Variants in FBXO15 observed in about 807,000 individuals in gnomAD.
FBXO15 encodes F-box only protein 15.
FBXO15 carries 30 observed loss-of-function variants against 49.5 expected under a neutral mutation model. That is an observed-to-expected ratio of 0.61 (90% CI 0.45 to 0.82). The LOEUF (loss-of-function observed/expected upper bound fraction) is 0.82, where lower values mean the gene tolerates loss of function less well. Ranked by LOEUF, FBXO15 falls within the 40% of genes least tolerant of loss-of-function variation. The pLI, the probability that FBXO15 is intolerant of heterozygous loss-of-function variation, is 0.00. For missense variants in FBXO15, 591 were observed against 631.5 expected (o/e 0.94, Z 0.69); for synonymous variants, 250 against 232.7 (o/e 1.07, Z -0.68).
chr18:74,111,641 G>A (rs1053595012), intron 8 of FBXO15, among the ~76,000 whole-genome samples: 21 of 151,478 alleles, frequency 1.4e-4, no homozygotes, highest in African/African-American at 5.1e-4. Flanking sequence ...AAAAATGTGA[G>A]CAAATTAAAT....
At chr18:74,109,018 T>C (rs1238801861) in intron 8 of FBXO15, among the ~76,000 whole-genome samples, 2 of 152,108 alleles carry the variant, frequency 1.3e-5, no homozygotes, top group African/African-American at 2.4e-5. Context: ...AAAACAAATA[T>C]TGAAGGAATT....
chr18:74,143,391 C>T (rs1415533895), intron 1 of FBXO15, among the ~76,000 whole-genome samples: 1 of 152,162 alleles, frequency 6.6e-6, no homozygotes, highest in Non-Finnish European at 1.5e-5. Context: ...ATGATTCATG[C>T]TGGCTATGTT....
At chr18:74,093,090 C>T (rs1243052785) in intron 8 of FBXO15, among the ~76,000 whole-genome samples, 1 of 152,144 alleles carries the variant, frequency 6.6e-6, no homozygotes, top group Non-Finnish European at 1.5e-5. Context: ...TGGGGGCAGG[C>T]CTGCTGTTGT....
chr18:74,134,949 T>A (rs1403610123), intron 3 of FBXO15, among the ~76,000 whole-genome samples: 1 of 152,168 alleles, frequency 6.6e-6, no homozygotes, highest in African/African-American at 2.4e-5. Flanking sequence ...CCAGCTGACA[T>A]GCAGGTTCTA....
At chr18:74,107,878 G>C (rs1168702343) in intron 8 of FBXO15, among the ~76,000 whole-genome samples, 1 of 152,090 alleles carries the variant, frequency 6.6e-6, no homozygotes, top group Non-Finnish European at 1.5e-5. Flanking sequence ...AACCTACTAG[G>C]GGAATTATCA....
intron 8 of FBXO15, among the ~76,000 whole-genome samples, chr18:74,089,878 CT>C (rs1008743573): frequency 6.6e-6 from 1 of 152,006 alleles, no homozygotes; most frequent in Non-Finnish European, 1.5e-5. Context: ...CTGAAGTTTT[CT>C]TTTTAATTGT....
chr18:74,082,174 G>C, intron 8 of FBXO15, 123 bp from the exon 9 acceptor site: 2 of 847,480 alleles, frequency 2.4e-6, no homozygotes, highest in Non-Finnish European at 3.5e-6. Flanking sequence ...AGCGATGAGG[G>C]CAACATGGGC....
intron 8 of FBXO15, among the ~76,000 whole-genome samples, chr18:74,096,037 C>T (rs1913257733): frequency 6.6e-6 from 1 of 152,110 alleles, no homozygotes; most frequent in Non-Finnish European, 1.5e-5. Flanking sequence ...CCAAGGGCGT[C>T]GAAAATTTTC....
At chr18:74,073,877 C>T in intron 9 of FBXO15, 147 bp from the exon 10 acceptor site, 1 of 978,884 alleles carries the variant, frequency 1.0e-6, no homozygotes, top group Non-Finnish European at 1.5e-6. Context: ...TGGCCTACTT[C>T]ATAACCTAGA....
rs1258739292 is a variant in FBXO15 at position 74,123,359 on chromosome 18, C to T, written c.1138+9G>A. On this transcript the variant is annotated intron_variant, in intron 8 of 9. Coordinates refer to ENST00000419743, the MANE Select transcript of FBXO15 (RefSeq NM_001142958.2). ...TTTCATAATGAAATAAAAACTCAAT[C>T]AATTTCACCTCTCTTGGTGAAGAGA... 1.9e-6 allele frequency: 3 copies of T among 1,592,956 alleles called. No homozygotes were observed. The highest frequency in any genetic ancestry group is 2.6e-6 in the Non-Finnish European group (3 of 1,174,502).
At chr18:74,084,474 T>C (rs769531187) in intron 8 of FBXO15, among the ~76,000 whole-genome samples, 1 of 152,242 alleles carries the variant, frequency 6.6e-6, no homozygotes, top group Non-Finnish European at 1.5e-5. Flanking sequence ...AGGCTGCTAA[T>C]GGTTACTATA....
rs904407929 is a variant in FBXO15 at position 74,122,249 on chromosome 18, C to T, written c.1138+1119G>A. The stretch of plus-strand genomic sequence containing the variant: ...AGACAGATTTGAGCTGGACTCCTGT[C>T]TCCTTATCAGTGGGCCAGCCATAAA... On this transcript the variant is annotated intron_variant, in intron 8 of 9. Coordinates refer to ENST00000419743, the MANE Select transcript of FBXO15 (RefSeq NM_001142958.2). Among the ~76,000 whole-genome samples, 3 of 152,232 alleles carry T rather than the reference C, an allele frequency of 2.0e-5. No homozygotes were observed. The South Asian group carries it at 6.2e-4, about 31-fold the overall frequency.
At chr18:74,090,454 T>C (rs1458194107) in intron 8 of FBXO15, among the ~76,000 whole-genome samples, 5 of 152,154 alleles carry the variant, frequency 3.3e-5, no homozygotes, top group African/African-American at 1.2e-4. Flanking sequence ...AACTTTGGGG[T>C]TGATTTGCTC....
At chr18:74,081,875 T>C (rs1912512035) in intron 9 of FBXO15, 52 bp downstream of exon 9, 2 of 1,294,988 alleles carry the variant, frequency 1.5e-6, no homozygotes, top group Non-Finnish European at 2.1e-6. Context: ...ACAGACTTTT[T>C]ATTATATAGA....
chr18:74,145,654 G>A (rs926488277), intron 1 of FBXO15, among the ~76,000 whole-genome samples: 2 of 140,518 alleles, frequency 1.4e-5, no homozygotes, highest in Non-Finnish European at 3.0e-5. Flanking sequence ...CTGGAGTGCA[G>A]TGGCGCTATC....
chr18:74,077,205 C>T (rs757608643), intron 9 of FBXO15, among the ~76,000 whole-genome samples: 7 of 152,154 alleles, frequency 4.6e-5, no homozygotes, highest in Non-Finnish European at 1.0e-4. Context: ...AGCTCAACCA[C>T]TATGTGCTGA....
At chr18:74,140,379 T>C (rs17088833) in intron 1 of FBXO15, 67 bp from the exon 2 acceptor site, 135,606 of 1,373,316 alleles carry the variant, frequency 0.099, 7,741 homozygotes, top group Admixed American at 0.23. Flanking sequence ...TATTCCCTTC[T>C]ACAAAATTCC....
At position 74,123,431 on chromosome 18, in the gene FBXO15, C is replaced by G. The variant is rs766768580; in HGVS notation, c.1075G>C (p.Asp359His). 1 of 1,613,968 alleles carries G rather than the reference C, an allele frequency of 6.2e-7. No homozygotes were observed. Among genetic ancestry groups the G allele is most frequent in the Non-Finnish European group, 8.5e-7 (1 of 1,179,950 alleles). Residue 359 changes from aspartate to histidine, a missense_variant, in exon 8 of 10, where the codon GAT (aspartate) becomes CAT (histidine). By Grantham distance (81) the Asp-to-His change is moderately conservative. Coordinates refer to ENST00000419743, the MANE Select transcript of FBXO15 (RefSeq NM_001142958.2). ...YGLHGYQLHV[D>H]LHSGGVFYLC... ...TAGAAAACCCCACCGCTGTGCAGAT[C>G]AACATGGAGTTGGTAGCCGTGCAGT...
intron 9 of FBXO15, 145 bp downstream of exon 9, chr18:74,081,782 C>A (rs564692125): frequency 2.3e-5 from 14 of 613,244 alleles, no homozygotes; most frequent in South Asian, 3.4e-5. Context: ...AGAATGTGCA[C>A]CAACCTTCAG....
Sources: gnomAD v4.1 joint callset for allele counts (sites outside exome capture counted in the v4.1 genomes callset) on GRCh38, gnomAD v4.1.1 for gene constraint, MANE v1.5 for transcripts, NCBI Gene and HGNC (gene_info 2026-07-23, HGNC 2026-07-21) for gene names.